TCF7L1: variants seen among roughly 807,000 people sequenced by gnomAD.
TCF7L1 encodes the protein transcription factor 7-like 1.
Under a neutral mutation model 63.7 loss-of-function variants are expected in TCF7L1, and 18 were observed. The ratio of observed to expected loss-of-function variants is 0.28; its 90% confidence interval spans 0.20 to 0.42. The LOEUF (loss-of-function observed/expected upper bound fraction) is 0.42, where lower values mean the gene tolerates loss of function less well. Among genes scored for constraint, TCF7L1 ranks in the 10% least tolerant of loss-of-function variants. The probability of loss-of-function intolerance (pLI) is 1.00; values close to 1 mark genes in which losing one functional copy is unlikely to be tolerated. For synonymous variants in TCF7L1, 355 were observed against 340.9 expected, an observed-to-expected ratio of 1.04 and a Z score of -0.46; for missense variants, 654 against 779.3, an observed-to-expected ratio of 0.84 and a Z score of 1.91.
chr2:85,262,582 CA>C (rs1212906357), intron 3 of TCF7L1, among the ~76,000 whole-genome samples: 1 of 152,088 alleles, frequency 6.6e-6, no homozygotes, highest in African/African-American at 2.4e-5. Context: ...GTTAAAGATC[CA>C]GGTTTGAAGT....
At chr2:85,143,866 C>T (rs184851018) in intron 3 of TCF7L1, among the ~76,000 whole-genome samples, 199 of 152,302 alleles carry the variant, frequency 1.3e-3, no homozygotes, top group African/African-American at 3.4e-3. Flanking sequence ...GTTGTAGAAG[C>T]GAGTGACAGT....
At chr2:85,150,273 G>A (rs1177818757) in intron 3 of TCF7L1, among the ~76,000 whole-genome samples, 1 of 147,452 alleles carries the variant, frequency 6.8e-6, no homozygotes, top group Non-Finnish European at 1.5e-5. Context: ...TCGCTCTGTC[G>A]CCCGGGCTGG....
chr2:85,234,131 C>CTTTTTTTTTTTTTTTT (rs35508338), intron 3 of TCF7L1, among the ~76,000 whole-genome samples: 107 of 65,230 alleles, frequency 1.6e-3, no homozygotes, highest in African/African-American at 4.2e-3. Flanking sequence ...TTTTTCTTTT[C>CTTTTTTTTTTTTTTTT]TTTTTTTTTT....
intron 3 of TCF7L1, among the ~76,000 whole-genome samples, chr2:85,204,291 TC>T (rs58706474): frequency 0.11 from 2,339 of 22,036 alleles, 392 homozygotes; most frequent in African/African-American, 0.28. Context: ...ATAACTTGCT[TC>T]CCCCCCCCCC....
chr2:85,202,589 T>C (rs1677270612), intron 3 of TCF7L1, among the ~76,000 whole-genome samples: 2 of 152,188 alleles, frequency 1.3e-5, no homozygotes, highest in African/African-American at 2.4e-5. Flanking sequence ...TTCTTAGAGG[T>C]CTTTGATCAA....
intron 4 of TCF7L1, among the ~76,000 whole-genome samples, chr2:85,286,249 T>G: frequency 6.8e-6 from 1 of 146,090 alleles, no homozygotes; most frequent in African/African-American, 2.6e-5. Context: ...CAGCTATTTG[T>G]GAGGCTGAGG....
At chr2:85,177,172 G>A (rs1186276870) in intron 3 of TCF7L1, among the ~76,000 whole-genome samples, 1 of 151,982 alleles carries the variant, frequency 6.6e-6, no homozygotes, top group Non-Finnish European at 1.5e-5. Context: ...TCCTCATACA[G>A]TGGAAAGAGA....
chr2:85,235,849 C>G (rs1354601487), intron 3 of TCF7L1, among the ~76,000 whole-genome samples: 1 of 152,002 alleles, frequency 6.6e-6, no homozygotes. Context: ...TAGGGAAAGT[C>G]TGTCTCTACC....
intron 3 of TCF7L1, among the ~76,000 whole-genome samples, chr2:85,205,896 A>T (rs1487459661): frequency 6.6e-6 from 1 of 152,246 alleles, no homozygotes; most frequent in Non-Finnish European, 1.5e-5. Flanking sequence ...ACTTGATGGA[A>T]AAATTGAATG....
chr2:85,287,988 C>T (rs1348130851), intron 4 of TCF7L1, among the ~76,000 whole-genome samples: 2 of 152,132 alleles, frequency 1.3e-5, no homozygotes, highest in Non-Finnish European at 2.9e-5. Flanking sequence ...CGAAAATGAG[C>T]CAGTGTATTG....
At chr2:85,169,957 A>C (rs927482737) in intron 3 of TCF7L1, among the ~76,000 whole-genome samples, 1 of 152,250 alleles carries the variant, frequency 6.6e-6, no homozygotes, top group African/African-American at 2.4e-5. Context: ...ATAATTGTGA[A>C]AGATCCAAAT....
intron 3 of TCF7L1, among the ~76,000 whole-genome samples, chr2:85,283,274 C>G (rs550806948): frequency 1.6e-4 from 22 of 138,806 alleles, no homozygotes; most frequent in Admixed American, 4.3e-4. Context: ...GTCCCCCCCC[C>G]CAAAATGACA....
intron 3 of TCF7L1, among the ~76,000 whole-genome samples, chr2:85,154,348 T>A (rs1038882373): frequency 6.6e-6 from 1 of 152,238 alleles, no homozygotes; most frequent in African/African-American, 2.4e-5. Flanking sequence ...AGAACAATAG[T>A]GCCTCTTTAA....
chr2:85,212,553 A>G (rs1293587609), intron 3 of TCF7L1, among the ~76,000 whole-genome samples: 1 of 152,058 alleles, frequency 6.6e-6, no homozygotes, highest in Non-Finnish European at 1.5e-5. Context: ...TTTTTAGAGG[A>G]CCTGTCTTTT....
chr2:85,295,775 C>CTTTTTTTTTTTTTTTTTTTTTT (rs56373561), intron 4 of TCF7L1, among the ~76,000 whole-genome samples: 1 of 100,884 alleles, frequency 9.9e-6, no homozygotes. Flanking sequence ...GTAACATTTA[C>CTTTTTTTTTTTTTTTTTTTTTT]TTTTTTTTTT....
At chr2:85,266,295 T>C (rs1254941258) in intron 3 of TCF7L1, among the ~76,000 whole-genome samples, 1 of 152,210 alleles carries the variant, frequency 6.6e-6, no homozygotes, top group Non-Finnish European at 1.5e-5. Context: ...GAAGACTTGA[T>C]ACATACTTCC....
chr2:85,195,568 A>T (rs1679136078), intron 3 of TCF7L1, among the ~76,000 whole-genome samples: 1 of 151,146 alleles, frequency 6.6e-6, no homozygotes, highest in South Asian at 2.1e-4. Flanking sequence ...TTTTTTTGAG[A>T]CAGGGTCTCA....
chr2:85,244,802 T>C (rs1283657992), intron 3 of TCF7L1, among the ~76,000 whole-genome samples: 1 of 151,818 alleles, frequency 6.6e-6, no homozygotes, highest in Non-Finnish European at 1.5e-5. Context: ...AGACTGAAGC[T>C]GAGAAAAAAA....
chr2:85,169,746 T>C (rs370742299), intron 3 of TCF7L1, among the ~76,000 whole-genome samples: 169 of 152,300 alleles, frequency 1.1e-3, no homozygotes, highest in African/African-American at 3.4e-3. Context: ...CTGTGCTTGC[T>C]AGGTGACAGT....
Sources: allele counts gnomAD v4.1 joint callset (sites outside exome capture counted in the v4.1 genomes callset), GRCh38; gene constraint gnomAD v4.1.1; transcripts MANE v1.5; gene names NCBI Gene and HGNC (gene_info 2026-07-23, HGNC 2026-07-21).